Variants in ARID1B observed in about 807,000 individuals in gnomAD.
ARID1B encodes AT-rich interaction domain 1B, also known as AT-rich interactive domain-containing protein 1B.
Under a neutral mutation model 212.3 loss-of-function variants are expected in ARID1B, and 30 were observed. The observed-to-expected ratio is 0.14, with a 90% CI of 0.11 to 0.19. The LOEUF is 0.19. Among genes scored for constraint, ARID1B ranks in the 10% least tolerant of loss-of-function variants. ARID1B has a pLI of 1.00. For synonymous variants in ARID1B, 1,402 were observed against 1,301.7 expected, an observed-to-expected ratio of 1.08 and a Z score of -1.66; for missense variants, 2,891 against 3,204.0, an observed-to-expected ratio of 0.90 and a Z score of 2.36.
chr6:156,930,298 T>C (rs1791593227), intron 3 of ARID1B, among the ~76,000 whole-genome samples: 1 of 152,116 alleles, frequency 6.6e-6, no homozygotes, highest in African/African-American at 2.4e-5. Context: ...TGTTTAAAAG[T>C]GTGTAGCACC....
chr6:156,803,389 G>A (rs1403172660), intron 1 of ARID1B, among the ~76,000 whole-genome samples: 1 of 152,122 alleles, frequency 6.6e-6, no homozygotes, highest in African/African-American at 2.4e-5. Flanking sequence ...ACCTTTTTAA[G>A]AGAGAACCAA....
intron 1 of ARID1B, among the ~76,000 whole-genome samples, chr6:156,807,488 T>C (rs1247931356): frequency 1.3e-5 from 2 of 151,644 alleles, no homozygotes; most frequent in Non-Finnish European, 2.9e-5. Flanking sequence ...AGACATGTAG[T>C]GCATTAGTAT....
In ARID1B at chr6:157,209,525, G is replaced by A. The variant is rs1191745204; in HGVS notation, c.*1634G>A. 4.3e-6 allele frequency: 1 copy of A among 232,950 alleles called. No homozygotes were observed. Among genetic ancestry groups the A allele is most frequent in the Non-Finnish European group, 8.5e-6 (1 of 117,954 alleles). The allele number at this position is 232,950 out of a possible 1,614,324, so 14.4% of individuals were successfully genotyped here. On this transcript the variant is annotated 3_prime_UTR_variant, in exon 20 of 20. Transcript: ENST00000636930. ...ATCATTTTCAGTATTTATGGGAGGT[G>A]GCTGCTGACCCACTTGAGGTGAGAT... is the stretch of plus-strand genomic sequence containing the variant.
intron 2 of ARID1B, among the ~76,000 whole-genome samples, chr6:156,860,001 A>G (rs1785214054): frequency 6.6e-6 from 1 of 152,214 alleles, no homozygotes; most frequent in African/African-American, 2.4e-5. Context: ...ACTGAGGCAG[A>G]TTTGAGAATC....
At chr6:157,133,816 A>G (rs913459248) in intron 7 of ARID1B, among the ~76,000 whole-genome samples, 1 of 152,220 alleles carries the variant, frequency 6.6e-6, no homozygotes, top group African/African-American at 2.4e-5. Flanking sequence ...CATGTCCAGC[A>G]TGCACCATTG....
Position 157,190,299 on chromosome 6 carries a change from A to T in ARID1B, c.4231+89A>T. ...CAACAGTTCACCTTTCACTCAGAAC[A>T]CCTCTGAGCCCATGCTGCATCGGTG... On this transcript the variant is annotated intron_variant, in intron 15 of 19. Transcript: ENST00000636930. This position sits in a 1 kb window ranked among gnomAD's most constrained non-coding sequence, Gnocchi z 4.6. 1 of 1,408,734 alleles carries T rather than the reference A, an allele frequency of 7.1e-7. No homozygotes were observed. Among genetic ancestry groups the T allele is most frequent in the Non-Finnish European group, 9.5e-7 (1 of 1,054,624 alleles). 87.3% of individuals were successfully genotyped at this position (1,408,734 alleles called of 1,614,324 possible). A position where few individuals can be genotyped will look rare whatever the true frequency, so the allele number is the denominator to read the frequency against.
intron 2 of ARID1B, among the ~76,000 whole-genome samples, chr6:156,880,183 C>T (rs957763660): frequency 2.0e-5 from 3 of 151,750 alleles, no homozygotes; most frequent in African/African-American, 7.3e-5. Context: ...AATGACCAGT[C>T]GTTTAGTAGA....
rs1583481392 is a variant in ARID1B, at chr6:157,190,323, T to C, written c.4231+113T>C. 7.7e-7 allele frequency: 1 copy of C among 1,297,230 alleles called. No individual in the cohort carries two copies. The highest frequency in any genetic ancestry group is 2.5e-5 in the East Asian group (1 of 40,288). 80.4% of individuals were successfully genotyped at this position (1,297,230 alleles called of 1,614,324 possible). On this transcript the variant is annotated intron_variant, in intron 15 of 19. Transcript: ENST00000636930. The surrounding 1 kb of genome is among the most constrained non-coding windows in gnomAD (Gnocchi z 4.6). ...CACCTCTGAGCCCATGCTGCATCGGTGTGGGTCCCAGGTCCCCATCCTACT... is the reference window on the plus strand; with the variant it reads ...CACCTCTGAGCCCATGCTGCATCGGCGTGGGTCCCAGGTCCCCATCCTACT...
chr6:156,811,945 A>G lies in ARID1B; in HGVS notation c.1792-17282A>G, dbSNP rs552342269. 4.6e-5 allele frequency among the ~76,000 whole-genome samples: 7 copies of G among 152,294 alleles called. No individual in the cohort carries two copies. In the East Asian group the frequency reaches 1.3e-3, roughly 29 times the overall value. Reference sequence around the variant, plus strand: ...TTATATTATAATATGACCTTGGGCAAATTACCTACTCTAGGAGATGATTTC... The same window carrying G: ...TTATATTATAATATGACCTTGGGCAGATTACCTACTCTAGGAGATGATTTC... On this transcript the variant is annotated intron_variant, in intron 1 of 19. Transcript: ENST00000636930.
chr6:156,832,294 A>G (rs973370583), intron 2 of ARID1B, among the ~76,000 whole-genome samples: 6 of 152,314 alleles, frequency 3.9e-5, no homozygotes, highest in African/African-American at 1.4e-4. Flanking sequence ...GGGTCCTGGC[A>G]CTGTGATTGG....
At chr6:156,892,060 C>CTTTTTTTTTTTTTTTTTTT (rs1194745302) in intron 2 of ARID1B, among the ~76,000 whole-genome samples, 1 of 64,442 alleles carries the variant, frequency 1.6e-5, no homozygotes, top group Non-Finnish European at 3.3e-5. Flanking sequence ...TTTTTTTTTT[C>CTTTTTTTTTTTTTTTTTTT]TTTTTTTTTT....
At chr6:156,893,753 C>T (rs879852102) in intron 2 of ARID1B, among the ~76,000 whole-genome samples, 2 of 152,252 alleles carry the variant, frequency 1.3e-5, no homozygotes, top group African/African-American at 4.8e-5. Context: ...AGTATTAGTA[C>T]AGCTGATATT....
In ARID1B at chr6:156,777,584, G is replaced by C. The variant is rs964377007; in HGVS notation, c.-97G>C. 1.3e-5 allele frequency: 2 copies of C among 151,496 alleles called. No homozygotes were observed. Among genetic ancestry groups the C allele is most frequent in the African/African-American group, 4.8e-5 (2 of 41,336 alleles). 9.4% of individuals were successfully genotyped at this position (151,496 alleles called of 1,614,324 possible). A position where few individuals can be genotyped will look rare whatever the true frequency, so the allele number is the denominator to read the frequency against. On this transcript the variant is annotated 5_prime_UTR_variant, in exon 1 of 20. Transcript: ENST00000636930. Reference sequence around the variant, plus strand: ...GGGGAGGGGGTCGCGGCTTCCCGGCGGGCCGCGTGGATGCGCACAGGAGGG... The same window carrying C: ...GGGGAGGGGGTCGCGGCTTCCCGGCCGGCCGCGTGGATGCGCACAGGAGGG...
chr6:156,987,325 C>T (rs537058351), intron 4 of ARID1B, among the ~76,000 whole-genome samples: 1 of 151,884 alleles, frequency 6.6e-6, no homozygotes, highest in East Asian at 1.9e-4. Context: ...TTTCTAGATA[C>T]CAGTGCTAGT....
At chr6:157,154,592 T>TG (rs1303841727) in intron 8 of ARID1B, among the ~76,000 whole-genome samples, 11 of 145,326 alleles carry the variant, frequency 7.6e-5, no homozygotes, top group African/African-American at 2.3e-4. Flanking sequence ...TTTTTTTTTT[T>TG]TTTTTTGAGT....
At chr6:156,887,727 C>T (rs1034528032) in intron 2 of ARID1B, among the ~76,000 whole-genome samples, 2 of 151,732 alleles carry the variant, frequency 1.3e-5, no homozygotes, top group African/African-American at 4.8e-5. Context: ...ACAATGCAAC[C>T]GCATAATCTC....
intron 1 of ARID1B, among the ~76,000 whole-genome samples, chr6:156,785,967 T>C (rs1361389858): frequency 6.6e-6 from 1 of 152,174 alleles, no homozygotes; most frequent in African/African-American, 2.4e-5. Flanking sequence ...CTGCCAGTTA[T>C]GTTATTAAAA....
At chr6:156,981,056 T>G (rs1032028862) in intron 4 of ARID1B, among the ~76,000 whole-genome samples, 1 of 152,190 alleles carries the variant, frequency 6.6e-6, no homozygotes, top group Non-Finnish European at 1.5e-5. Context: ...ACTCATGACT[T>G]AGCAAAAACT....
Position 156,778,871 on chromosome 6 carries a change from C to CGGAGGAGGAGGAGGCAGCGGAGGAGGA in ARID1B, c.1206_1232dup (p.Ser403_Gly411dup), listed in dbSNP as rs1292728719. The CGGAGGAGGAGGAGGCAGCGGAGGAGGA allele has an allele frequency of 2.2e-6, 3 of 1,340,110 alleles. No homozygotes were observed. In the African/African-American group the frequency reaches 4.7e-5, roughly 21 times the overall value. The allele number at this position is 1,340,110 out of a possible 1,614,324, so 83.0% of individuals were successfully genotyped here. ...CGGGCGGCGGCGGCGGCGGCGGCGG[C>CGGAGGAGGAGGAGGCAGCGGAGGAGGA]GGAGGAGGAGGAGGCAGCGGAGGAG... On this transcript the variant is annotated inframe_insertion, in exon 1 of 20. Coordinates refer to ENST00000636930, the MANE Select transcript of ARID1B (RefSeq NM_001374828.1).
Sources: allele counts gnomAD v4.1 joint callset (sites outside exome capture counted in the v4.1 genomes callset), GRCh38; gene constraint gnomAD v4.1.1; non-coding constraint Gnocchi (gnomAD v3.1); transcripts MANE v1.5; gene names NCBI Gene and HGNC (gene_info 2026-07-23, HGNC 2026-07-21).